Variants in ARFGEF1 observed in about 807,000 individuals in gnomAD.
ARFGEF1 encodes the protein ARF guanine nucleotide exchange factor 1.
ARFGEF1 carries 42 observed loss-of-function variants against 231.0 expected under a neutral mutation model. That is an observed-to-expected ratio of 0.18 (90% CI 0.14 to 0.24). The LOEUF is 0.24. Among genes scored for constraint, ARFGEF1 ranks in the 10% least tolerant of loss-of-function variants. The pLI is 1.00. For missense variants in ARFGEF1, 1,345 were observed against 2,192.0 expected, an observed-to-expected ratio of 0.61 and a Z score of 7.72; for synonymous variants, 710 against 732.3, an observed-to-expected ratio of 0.97 and a Z score of 0.49.
chr8:67,228,150 T>G lies in ARFGEF1; in HGVS notation c.3422-18A>C. On this transcript the variant is annotated intron_variant, in intron 24 of 38. Transcript: ENST00000262215. Reference sequence around the variant, plus strand: ...AAAATCCACTGTAATATAAATACATTTTTTTTTTAGCTCAACATTAAAGTT... The same window carrying G: ...AAAATCCACTGTAATATAAATACATGTTTTTTTTAGCTCAACATTAAAGTT... 1.3e-6 allele frequency: 2 copies of G among 1,599,970 alleles called. No individual in the cohort carries two copies. The highest frequency in any genetic ancestry group is 1.7e-6 in the Non-Finnish European group (2 of 1,173,516).
downstream of ARFGEF1, chr8:67,196,218 G>GTAAC (rs1219154863): frequency 2.6e-5 from 4 of 152,186 alleles, no homozygotes; most frequent in Admixed American, 6.5e-5. Flanking sequence ...ATTACATGAT[G>GTAAC]TAACTACTTC....
At chr8:67,249,398 T>C (rs935369230) in intron 19 of ARFGEF1, among the ~76,000 whole-genome samples, 16 of 150,260 alleles carry the variant, frequency 1.1e-4, no homozygotes, top group African/African-American at 4.0e-4. Context: ...GTTAGGTGTA[T>C]TAAATACATT....
At chr8:67,196,630 A>C (rs935436434), downstream of ARFGEF1, among the ~76,000 whole-genome samples, 2 of 152,230 alleles carry the variant, frequency 1.3e-5, no homozygotes, top group African/African-American at 4.8e-5. Context: ...GGCTACTTGT[A>C]AATTTTTATT....
At chr8:67,229,486 C>T (rs561639114) in intron 23 of ARFGEF1, among the ~76,000 whole-genome samples, 3 of 152,114 alleles carry the variant, frequency 2.0e-5, no homozygotes, top group African/African-American at 7.2e-5. Flanking sequence ...AACATGATGA[C>T]TCAGAATGTG....
At position 67,301,334 on chromosome 8, in the gene ARFGEF1, C is replaced by A; in HGVS notation, c.202G>T (p.Val68Leu). Residue 68 changes from valine (V) to leucine (L), a missense_variant, in exon 3 of 39, where the codon GTG (valine) becomes TTG (leucine). Physicochemically the swap from Val to Leu is conservative, Grantham distance 32. Transcript: ENST00000262215. ...TCAATAAAATTTGTCTTTGATTTCA[C>A]TGGTGGAAGGGTGCTTGATCCAGCT... ...AKAGSSTLPPVKSKTNFIEAD... is the reference protein window; with the variant it reads ...AKAGSSTLPPLKSKTNFIEAD... The A allele has an allele frequency of 1.2e-6, 2 of 1,614,034 alleles. No individual in the cohort carries two copies. The highest frequency in any genetic ancestry group is 1.7e-6 in the Non-Finnish European group (2 of 1,179,994).
intron 34 of ARFGEF1, among the ~76,000 whole-genome samples, chr8:67,211,102 T>C (rs1397811692): frequency 6.8e-6 from 1 of 147,846 alleles, no homozygotes; most frequent in African/African-American, 2.5e-5. Context: ...TCCCAGCACT[T>C]TGGGAGGCTG....
intron 18 of ARFGEF1, among the ~76,000 whole-genome samples, chr8:67,253,025 G>A (rs1840346419): frequency 6.6e-6 from 1 of 152,070 alleles, no homozygotes; most frequent in Admixed American, 6.6e-5. Context: ...ACTACTAAAT[G>A]GATCAGCATA....
intron 27 of ARFGEF1, among the ~76,000 whole-genome samples, chr8:67,226,440 T>C (rs2128871352): frequency 6.6e-6 from 1 of 152,226 alleles, no homozygotes. Flanking sequence ...TAGGTACTGA[T>C]TCAACTTTGG....
At chr8:67,177,277 G>A (rs1407585803) in intron 5 of ARFGEF1, among the ~76,000 whole-genome samples, 2 of 152,098 alleles carry the variant, frequency 1.3e-5, no homozygotes, top group Non-Finnish European at 2.9e-5. Flanking sequence ...CCTGATCCAA[G>A]ATCTTTGCCT....
chr8:67,179,664 C>T (rs541543568), intron 5 of ARFGEF1, among the ~76,000 whole-genome samples: 2 of 152,172 alleles, frequency 1.3e-5, no homozygotes, highest in South Asian at 4.1e-4. Context: ...TCTTCTGTTG[C>T]TATCACCGTC....
chr8:67,262,546 T>C (rs1377436926), intron 14 of ARFGEF1, among the ~76,000 whole-genome samples: 1 of 152,212 alleles, frequency 6.6e-6, no homozygotes, highest in South Asian at 2.1e-4. Flanking sequence ...TTGAAAGACA[T>C]ATTACTGTAG....
In ARFGEF1 at chr8:67,241,384, C is replaced by T. The variant is rs543883815; in HGVS notation, c.2851-1094G>A. ...ACAAAGTACCATATGACAGCAATAA[C>T]TTACACATTCTGTGGAGAAACAGTG... On this transcript the variant is annotated intron_variant, in intron 19 of 38. Transcript: ENST00000262215. 2.4e-4 allele frequency among the ~76,000 whole-genome samples: 36 copies of T among 152,248 alleles called. No individual in the cohort carries two copies. In the South Asian group the frequency reaches 5.8e-3, roughly 25 times the overall value.
At chr8:67,206,420 A>C (rs1838521996) in intron 34 of ARFGEF1, among the ~76,000 whole-genome samples, 1 of 151,352 alleles carries the variant, frequency 6.6e-6, no homozygotes. Flanking sequence ...TAAAAAAAAA[A>C]AAAAAAAAAA....
chr8:67,226,324 A>G, intron 27 of ARFGEF1, 141 bp from the exon 28 acceptor site: 1 of 767,382 alleles, frequency 1.3e-6, no homozygotes, highest in Non-Finnish European at 2.0e-6. Flanking sequence ...GAAGTTCAAG[A>G]CTATCTTTAC....
intron 33 of ARFGEF1, among the ~76,000 whole-genome samples, chr8:67,214,035 G>A (rs533643601): frequency 8.5e-5 from 13 of 152,348 alleles, no homozygotes; most frequent in African/African-American, 3.1e-4. Flanking sequence ...AGCTGGAAGA[G>A]TTCTGAGACA....
intron 38 of ARFGEF1, 98 bp downstream of exon 38, chr8:67,200,298 T>G: frequency 1.2e-6 from 1 of 864,948 alleles, no homozygotes; most frequent in Non-Finnish European, 2.0e-6. Flanking sequence ...CACTGCTTGA[T>G]TCATCTCTGA....
chr8:67,196,329 C>T (rs954783753), downstream of ARFGEF1: 4 of 152,082 alleles, frequency 2.6e-5, no homozygotes, highest in Non-Finnish European at 4.4e-5. Context: ...TGGGGACACC[C>T]GGGAGTCAAG....
chr8:67,319,245 T>C (rs941150434), intron 1 of ARFGEF1, among the ~76,000 whole-genome samples: 2 of 152,156 alleles, frequency 1.3e-5, no homozygotes, highest in Admixed American at 1.3e-4. Context: ...GGAAAGGCAA[T>C]GTAACTAGGA....
Position 67,201,547 on chromosome 8 carries a change from A to G in ARFGEF1, c.5187T>C (p.Cys1729=). 1 of 1,613,700 alleles carries G rather than the reference A, an allele frequency of 6.2e-7. No homozygotes were observed. The highest frequency in any genetic ancestry group is 8.5e-7 in the Non-Finnish European group (1 of 1,179,872). ...ACATCCGGAAGAGAATGCGCAGCCC[A>G]CAGGCCAGGCTGCTGGTCTCCTGCT... ...LLKQETSSLA[C]GLRILFRMYM... is the part of the protein sequence containing the mutation. The change falls in exon 37 of 39, where the codon TGT becomes TGC. Residue 1729 remains cysteine, a synonymous_variant. Coordinates refer to ENST00000262215, the MANE Select transcript of ARFGEF1 (RefSeq NM_006421.5).
Sources: allele counts gnomAD v4.1 joint callset (sites outside exome capture counted in the v4.1 genomes callset), GRCh38; gene constraint gnomAD v4.1.1; transcripts MANE v1.5; gene names NCBI Gene and HGNC (gene_info 2026-07-23, HGNC 2026-07-21).